Variants in CADPS2 observed in about 807,000 individuals in gnomAD.
The protein encoded by CADPS2 is calcium dependent secretion activator 2.
In CADPS2, 93 loss-of-function variants were observed where a neutral mutation model predicts 172.5. That is an observed-to-expected ratio of 0.54 (90% CI 0.46 to 0.64). The LOEUF (loss-of-function observed/expected upper bound fraction) is 0.64. Among genes scored for constraint, CADPS2 ranks in the 30% least tolerant of loss-of-function variants. The pLI is 0.00. For missense variants in CADPS2, 1,420 were observed against 1,565.9 expected, an observed-to-expected ratio of 0.91 and a Z score of 1.57; for synonymous variants, 546 against 555.2, an observed-to-expected ratio of 0.98 and a Z score of 0.23.
rs569720871 is a variant in CADPS2, at chr7:122,659,486, C to T, written c.786+3751G>A. Among the ~76,000 whole-genome samples, 3 of 152,070 alleles carry T rather than the reference C, an allele frequency of 2.0e-5. No individual in the cohort carries two copies. In the South Asian group the frequency reaches 6.2e-4, roughly 32 times the overall value. Reference sequence around the variant, plus strand: ...AACAAACAGAACGGACATCCCAGGACTGTGGGATAACATGGGTAACAGAAA... The same window carrying T: ...AACAAACAGAACGGACATCCCAGGATTGTGGGATAACATGGGTAACAGAAA... On this transcript the variant is annotated intron_variant, in intron 3 of 29. Transcript: ENST00000449022.
chr7:122,643,721 G>C (rs2077959575), intron 3 of CADPS2, among the ~76,000 whole-genome samples: 1 of 152,056 alleles, frequency 6.6e-6, no homozygotes, highest in African/African-American at 2.4e-5. Context: ...AGAAAAAGGA[G>C]GGGAAGAGGG....
intron 1 of CADPS2, among the ~76,000 whole-genome samples, chr7:122,762,143 A>G (rs868155310): frequency 6.6e-6 from 1 of 151,634 alleles, no homozygotes; most frequent in South Asian, 2.1e-4. Flanking sequence ...AACAACAGAA[A>G]AGAAGTACTC....
intron 7 of CADPS2, among the ~76,000 whole-genome samples, chr7:122,559,077 T>C (rs1235574727): frequency 6.6e-6 from 1 of 152,034 alleles, no homozygotes; most frequent in African/African-American, 2.4e-5. Flanking sequence ...AGACACACAG[T>C]TGGTACAATT....
intron 1 of CADPS2, among the ~76,000 whole-genome samples, chr7:122,839,259 A>G (rs1809600644): frequency 6.6e-6 from 1 of 152,118 alleles, no homozygotes; most frequent in Admixed American, 6.5e-5. Flanking sequence ...CCTTCCTTAC[A>G]CCTTATACAA....
chr7:122,829,519 T>C (rs1805874747), intron 1 of CADPS2, among the ~76,000 whole-genome samples: 1 of 152,192 alleles, frequency 6.6e-6, no homozygotes, highest in Admixed American at 6.5e-5. Context: ...TCAACTTTTA[T>C]TTATCCTATG....
chr7:122,605,654 A>G (rs2073425015), intron 6 of CADPS2, among the ~76,000 whole-genome samples: 1 of 151,996 alleles, frequency 6.6e-6, no homozygotes, highest in African/African-American at 2.4e-5. Context: ...ATCTATATAT[A>G]TTTTTTCTCT....
At chr7:122,379,334 T>A in intron 25 of CADPS2, 34 bp downstream of exon 25, 1 of 1,367,684 alleles carries the variant, frequency 7.3e-7, no homozygotes, top group Non-Finnish European at 1.0e-6. Flanking sequence ...AATTTTTCAC[T>A]TTGATTTAAA....
chr7:122,435,672 T>C (rs2050543547), intron 17 of CADPS2, among the ~76,000 whole-genome samples: 1 of 152,112 alleles, frequency 6.6e-6, no homozygotes, highest in Admixed American at 6.6e-5. Flanking sequence ...CTTCTGGGTA[T>C]ACAACCAAAA....
chr7:122,645,326 CATAT>C (rs200038957), intron 3 of CADPS2, among the ~76,000 whole-genome samples: 2 of 101,550 alleles, frequency 2.0e-5, no homozygotes, highest in African/African-American at 6.3e-5. Context: ...TATACATGTA[CATAT>C]ATACACACAT....
At chr7:122,546,815 G>T (rs1410744006) in intron 8 of CADPS2, among the ~76,000 whole-genome samples, 1 of 151,984 alleles carries the variant, frequency 6.6e-6, no homozygotes, top group South Asian at 2.1e-4. Context: ...GACTCTTCCT[G>T]CCTGTCTCAT....
intron 17 of CADPS2, among the ~76,000 whole-genome samples, chr7:122,422,394 T>C (rs2048626035): frequency 6.6e-6 from 1 of 152,114 alleles, no homozygotes; most frequent in Non-Finnish European, 1.5e-5. Flanking sequence ...TGTGGACTGC[T>C]TGCTGGCAAA....
chr7:122,659,845 G>T (rs1004261697), intron 3 of CADPS2, among the ~76,000 whole-genome samples: 3 of 151,634 alleles, frequency 2.0e-5, no homozygotes, highest in Non-Finnish European at 4.4e-5. Flanking sequence ...AAGACAGTGT[G>T]GTGAAATTTT....
chr7:122,440,250 C>T (rs1232909973), intron 16 of CADPS2: 1 of 152,156 alleles, frequency 6.6e-6, no homozygotes, highest in Non-Finnish European at 1.5e-5. Flanking sequence ...CCTGCCATCA[C>T]TAAGTCTTCC....
At chr7:122,824,161 CTGAG>C (rs1273566399) in intron 1 of CADPS2, among the ~76,000 whole-genome samples, 4 of 152,244 alleles carry the variant, frequency 2.6e-5, no homozygotes, top group African/African-American at 7.2e-5. Context: ...ATACAGTAAA[CTGAG>C]TGTTTGCTTA....
chr7:122,671,573 A>AACT (rs1554709806), intron 2 of CADPS2, among the ~76,000 whole-genome samples: 3 of 152,046 alleles, frequency 2.0e-5, no homozygotes, highest in Admixed American at 6.6e-5. Flanking sequence ...TTAAAAAAAA[A>AACT]ACTACTACTA....
chr7:122,641,598 G>T (rs1357700143), intron 3 of CADPS2, among the ~76,000 whole-genome samples: 1 of 152,114 alleles, frequency 6.6e-6, no homozygotes, highest in Non-Finnish European at 1.5e-5. Flanking sequence ...TTCATTCTAG[G>T]AAAGGCCATA....
chr7:122,508,266 T>A (rs2059754652), intron 9 of CADPS2, among the ~76,000 whole-genome samples: 1 of 151,902 alleles, frequency 6.6e-6, no homozygotes, highest in South Asian at 2.1e-4. Flanking sequence ...CACATATATA[T>A]GAAGATTAAT....
At chr7:122,722,442 A>T (rs1341145153) in intron 2 of CADPS2, among the ~76,000 whole-genome samples, 2 of 151,716 alleles carry the variant, frequency 1.3e-5, no homozygotes, top group East Asian at 3.9e-4. Flanking sequence ...CCCATTCACA[A>T]TTGCTTCAAA....
chr7:122,584,898 T>C (rs2069412632), intron 6 of CADPS2, among the ~76,000 whole-genome samples: 1 of 152,014 alleles, frequency 6.6e-6, no homozygotes, highest in South Asian at 2.1e-4. Flanking sequence ...GAAATGGGCT[T>C]TAATTTCCAG....
Sources: allele counts gnomAD v4.1 joint callset (sites outside exome capture counted in the v4.1 genomes callset), GRCh38; gene constraint gnomAD v4.1.1; transcripts MANE v1.5; gene names NCBI Gene and HGNC (gene_info 2026-07-23, HGNC 2026-07-21).